LMAN2L: variants seen among roughly 807,000 people sequenced by gnomAD.
The protein encoded by LMAN2L is VIP36-like protein.
A neutral mutation model predicts 44.3 loss-of-function variants in LMAN2L; 30 were observed. The ratio of observed to expected loss-of-function variants is 0.68; its 90% CI spans 0.51 to 0.92. LMAN2L has a LOEUF of 0.92. Among genes scored for constraint, LMAN2L ranks in the 40% least tolerant of loss-of-function variants. LMAN2L has a pLI of 0.00. For synonymous variants in LMAN2L, 183 were observed against 171.1 expected, an observed-to-expected ratio of 1.07 and a Z score of -0.54; for missense variants, 429 against 446.1, an observed-to-expected ratio of 0.96 and a Z score of 0.35.
intron 4 of LMAN2L, among the ~76,000 whole-genome samples, chr2:96,722,063 G>A (rs921662231): frequency 2.9e-4 from 44 of 151,896 alleles, no homozygotes; most frequent in Admixed American, 2.4e-3. Flanking sequence ...CGCCTGCCAG[G>A]TTCACGCCAT....
chr2:96,727,775 C>G (rs77116433), intron 4 of LMAN2L, among the ~76,000 whole-genome samples: 7,705 of 152,248 alleles, frequency 0.051, 650 homozygotes, highest in African/African-American at 0.18. Context: ...TCTTCCTTGT[C>G]TAGGACATCT....
intron 6 of LMAN2L, among the ~76,000 whole-genome samples, chr2:96,710,494 C>T (rs1015817717): frequency 3.9e-5 from 6 of 152,084 alleles, no homozygotes; most frequent in South Asian, 2.1e-4. Context: ...GGTGAAACCC[C>T]GTTTCTACTA....
At position 96,737,729 on chromosome 2, in the gene LMAN2L, A is replaced by G. The variant is rs185795964; in HGVS notation, c.306+220T>C. On this transcript the variant is annotated intron_variant, in intron 2 of 7. Coordinates refer to ENST00000264963, the MANE Select transcript of LMAN2L (RefSeq NM_030805.4). ...AATCAGGAATTAACGACATTTCAGG[A>G]AAAAAAAATGAATTATTTGCTATAA... Among the ~76,000 whole-genome samples the G allele has an allele frequency of 2.6e-5, 4 of 151,688 alleles. No homozygotes were observed. In the East Asian group the frequency reaches 5.8e-4, roughly 22 times the overall value.
intron 4 of LMAN2L, among the ~76,000 whole-genome samples, chr2:96,721,512 GT>G (rs947838032): frequency 4.1e-5 from 6 of 145,630 alleles, no homozygotes; most frequent in East Asian, 2.0e-4. Context: ...CTCCTACTTT[GT>G]TTTTTTTTTG....
In LMAN2L at chr2:96,712,043, G is replaced by T; in HGVS notation, c.508-18C>A. The T allele has an allele frequency of 1.2e-6, 2 of 1,613,696 alleles. No homozygotes were observed. The highest frequency in any genetic ancestry group is 1.7e-6 in the Non-Finnish European group (2 of 1,179,688). On this transcript the variant is annotated intron_variant, in intron 4 of 7. Coordinates refer to ENST00000264963, the MANE Select transcript of LMAN2L (RefSeq NM_030805.4). ...AATACCCGCTGGAAAGCAGAGAGGGGGAAGCAGACACTAAGGAAGAGCACA... is the reference window on the plus strand; with the variant it reads ...AATACCCGCTGGAAAGCAGAGAGGGTGAAGCAGACACTAAGGAAGAGCACA...
chr2:96,725,604 G>A (rs1032072386), intron 4 of LMAN2L, among the ~76,000 whole-genome samples: 5 of 151,134 alleles, frequency 3.3e-5, no homozygotes, highest in Non-Finnish European at 5.9e-5. Context: ...CACCATGCCC[G>A]GCTGATTTTT....
At chr2:96,711,457 C>T (rs1465538457) in intron 6 of LMAN2L, among the ~76,000 whole-genome samples, 199 bp downstream of exon 6, 1 of 152,232 alleles carries the variant, frequency 6.6e-6, no homozygotes, top group African/African-American at 2.4e-5. Context: ...CAACCATCTT[C>T]TAGTGACAAC....
At chr2:96,718,905 T>C (rs2078094777) in intron 4 of LMAN2L, among the ~76,000 whole-genome samples, 1 of 152,174 alleles carries the variant, frequency 6.6e-6, no homozygotes, top group African/African-American at 2.4e-5. Flanking sequence ...AACCTTCATA[T>C]AATTGAATAT....
At chr2:96,737,184 T>G (rs1422680739) in intron 2 of LMAN2L, 2 of 455,674 alleles carry the variant, frequency 4.4e-6, no homozygotes, top group Non-Finnish European at 8.8e-6. Context: ...CTGCATTCAC[T>G]TCTTGTCGCC....
rs1488540619 is a variant in LMAN2L at position 96,707,835 on chromosome 2, TGAAGAAAAATG to T, written c.785-13_785-3del. 7.4e-6 allele frequency: 12 copies of T among 1,612,908 alleles called. No homozygotes were observed. The highest frequency in any genetic ancestry group is 1.3e-5 in the African/African-American group (1 of 74,864). On this transcript the variant is annotated splice_polypyrimidine_tract_variant and splice_region_variant and intron_variant, in intron 6 of 7. Coordinates refer to ENST00000264963, the MANE Select transcript of LMAN2L (RefSeq NM_030805.4). ...TCAAGGAAATGACATCATGATTATCTGAAGAAAAATGGAAGAAGGATGACTTGTGCCACTTG... is the reference window on the plus strand; with the variant it reads ...TCAAGGAAATGACATCATGATTATCTGAAGAAGGATGACTTGTGCCACTTG...
chr2:96,731,276 A>C (rs555987777), intron 4 of LMAN2L, among the ~76,000 whole-genome samples: 1 of 152,304 alleles, frequency 6.6e-6, no homozygotes, highest in South Asian at 2.1e-4. Context: ...AACAGCCCAG[A>C]AGGAACACAG....
At chr2:96,716,659 T>G (rs533470294) in intron 4 of LMAN2L, among the ~76,000 whole-genome samples, 1 of 152,348 alleles carries the variant, frequency 6.6e-6, no homozygotes, top group African/African-American at 2.4e-5. Flanking sequence ...CTGCATTTAA[T>G]TCTCACAATC....
At chr2:96,713,085 T>C (rs369791451) in intron 4 of LMAN2L, 318 of 1,548,868 alleles carry the variant, frequency 2.1e-4, no homozygotes, top group Non-Finnish European at 2.6e-4. Flanking sequence ...GGGATGCTCA[T>C]GATGAGCCAA....
At chr2:96,709,117 C>T (rs1459602649) in intron 6 of LMAN2L, among the ~76,000 whole-genome samples, 1 of 151,820 alleles carries the variant, frequency 6.6e-6, no homozygotes, top group Non-Finnish European at 1.5e-5. Flanking sequence ...GATGGGGTTT[C>T]TCCATGTTGG....
intron 4 of LMAN2L, among the ~76,000 whole-genome samples, chr2:96,715,410 G>T (rs1227526804): frequency 6.6e-6 from 1 of 152,206 alleles, no homozygotes; most frequent in Non-Finnish European, 1.5e-5. Context: ...GTCACTAAAT[G>T]CCATCTTATT....
rs1302694362 is a variant in LMAN2L, at chr2:96,719,268, T to C, written c.508-7243A>G. ...ATGCCTCTTTCTTGGGTCCAACACT[T>C]TAATCAGAGTCTCGAAAGGGTCAAA... On this transcript the variant is annotated intron_variant, in intron 4 of 7. Transcript: ENST00000264963. Among the ~76,000 whole-genome samples the C allele has an allele frequency of 3.9e-5, 6 of 152,238 alleles. No individual in the cohort carries two copies. The East Asian group carries it at 1.2e-3, about 29-fold the overall frequency.
intron 4 of LMAN2L, among the ~76,000 whole-genome samples, chr2:96,728,994 A>C (rs981006681): frequency 6.6e-6 from 1 of 152,018 alleles, no homozygotes; most frequent in Non-Finnish European, 1.5e-5. Flanking sequence ...AACACGGTGA[A>C]ACCCCATGTC....
At chr2:96,717,959 C>CT (rs1282476437) in intron 4 of LMAN2L, among the ~76,000 whole-genome samples, 1 of 151,874 alleles carries the variant, frequency 6.6e-6, no homozygotes, top group Non-Finnish European at 1.5e-5. Flanking sequence ...AAAGGACCAA[C>CT]TTTTTTTTCT....
At position 96,740,001 on chromosome 2, in the gene LMAN2L, A is replaced by G. The variant is rs1298872312; in HGVS notation, c.40T>C (p.Trp14Arg). Residue 14 changes from tryptophan to arginine, a missense_variant, in exon 1 of 8, where the codon TGG (tryptophan) becomes CGG (arginine). Physicochemically the swap from Trp to Arg is moderately radical, Grantham distance 101. Transcript: ENST00000264963. ...TCCCGAGCCGACAAACATCGCCGCC[A>G]CTGCTGCCACGACCCAAGGGGTCCC... ...TLGPLGSWQQ[W>R]RRCLSARDGS... The G allele has an allele frequency of 6.2e-7, 1 of 1,613,342 alleles. No individual in the cohort carries two copies. The highest frequency in any genetic ancestry group is 8.5e-7 in the Non-Finnish European group (1 of 1,179,948).
Sources: allele counts gnomAD v4.1 joint callset (sites outside exome capture counted in the v4.1 genomes callset), GRCh38; gene constraint gnomAD v4.1.1; transcripts MANE v1.5; gene names NCBI Gene and HGNC (gene_info 2026-07-23, HGNC 2026-07-21).